The following MYBPC3 variants were observed in gnomAD, a reference collection of about 807,000 sequenced individuals.
The protein encoded by MYBPC3 is myosin binding protein C3, also known as myosin-binding protein C, cardiac-type.
Under a neutral mutation model 159.3 loss-of-function variants are expected in MYBPC3, and 108 were observed. The observed-to-expected ratio is 0.68, with a 90% CI of 0.58 to 0.80. The LOEUF (loss-of-function observed/expected upper bound fraction) is 0.80, where lower values mean the gene tolerates loss of function less well. Ranked by LOEUF, MYBPC3 falls within the 30% of genes least tolerant of loss-of-function variation. The pLI, the probability that MYBPC3 is intolerant of heterozygous loss-of-function variation, is 0.00. For missense variants in MYBPC3, 1,631 were observed against 1,762.1 expected (o/e 0.93, Z 1.33); for synonymous variants, 730 against 702.0 (o/e 1.04, Z -0.63).
At chr11:47,341,857 A>G in intron 18 of MYBPC3, 134 bp downstream of exon 18, 4 of 1,205,874 alleles carry the variant, frequency 3.3e-6, no homozygotes, top group South Asian at 3.1e-5. Context: ...TCTCTGTCTC[A>G]GTCTCTGTCC....
rs759194130 is a variant in MYBPC3 at position 47,343,570 on chromosome 11, CG to C, written c.1144del (p.Arg382GlyfsTer2). The C allele has an allele frequency of 6.2e-7, 1 of 1,612,910 alleles. No individual in the cohort carries two copies. Among genetic ancestry groups the C allele is most frequent in the Non-Finnish European group, 8.5e-7 (1 of 1,179,574 alleles). ...AYQVSKGHKI[R>X]LTVELADHDA... ...ATGGTCAGCCAGTTCCACGGTCAGC[CG>C]GATCTTGTGGCCTTTGCTCACCTGG... is the stretch of plus-strand genomic sequence containing the variant. On this transcript the variant is annotated frameshift_variant, in exon 13 of 35. Coordinates refer to ENST00000545968, the MANE Select transcript of MYBPC3 (RefSeq NM_000256.3). LOFTEE classifies it high-confidence loss of function.
chr11:47,347,480 C>A lies in MYBPC3; in HGVS notation c.852-1G>T, dbSNP rs368121566. On this transcript the variant is annotated splice_acceptor_variant, in intron 8 of 34. Transcript: ENST00000545968. LOFTEE classifies it high-confidence loss of function. ...AATCCCAGTGTCCTCATGGCTATCA[C>A]TATGGAGAGGGACCCCCAGTGAGGC... 1 of 1,596,314 alleles carries A rather than the reference C, an allele frequency of 6.3e-7. No homozygotes were observed. Among genetic ancestry groups the A allele is most frequent in the Non-Finnish European group, 8.5e-7 (1 of 1,171,756 alleles).
chr11:47,338,613 C>G lies in MYBPC3; in HGVS notation c.2215G>C (p.Glu739Gln). The change falls in exon 23 of 35, where the codon GAG becomes CAG. Residue 739 changes from glutamate (E) to glutamine (Q), a missense_variant. Physicochemically the swap from Glu to Gln is conservative, Grantham distance 29. Transcript: ENST00000545968. This position sits in a 1 kb window ranked among gnomAD's most constrained non-coding sequence, Gnocchi z 4.7. ...CCCTCATCTTCCTTCTCTGCCCCCT[C>G]GACCGTGAAGATGCTGCGGTCCTTG... is the stretch of plus-strand genomic sequence containing the variant. ...TTKDRSIFTV[E>Q]GAEKEDEGVY... 1 of 1,613,968 alleles carries G rather than the reference C, an allele frequency of 6.2e-7. No homozygotes were observed. Among genetic ancestry groups the G allele is most frequent in the Non-Finnish European group, 8.5e-7 (1 of 1,179,888 alleles).
In MYBPC3 at chr11:47,346,028, T is replaced by C. The variant is rs144516317; in HGVS notation, c.1090+179A>G. Among the ~76,000 whole-genome samples the C allele has an allele frequency of 1.2e-4, 18 of 152,264 alleles. No individual in the cohort carries two copies. The highest frequency in any genetic ancestry group is 3.8e-4 in the African/African-American group (16 of 41,562). On this transcript the variant is annotated intron_variant, in intron 12 of 34. Transcript: ENST00000545968. This position sits in a 1 kb window ranked among gnomAD's most constrained non-coding sequence, Gnocchi z 5.3. ...GGAGGGGTTAACCTGGGCTCTTCTT[T>C]CCTGTGAGTCTCTGTGCTAAGCCGG...
rs765825263 is a variant in MYBPC3 at position 47,332,087 on chromosome 11, G to A, written c.3799C>T (p.Arg1267Cys). 1.3e-5 allele frequency: 21 copies of A among 1,610,498 alleles called. No individual in the cohort carries two copies. The highest frequency in any genetic ancestry group is 1.0e-4 in the Admixed American group (6 of 59,864). ...GGCTCCTCACCTCGCACCTCCAGGC[G>A]GCACTCACACCGTGCCTCGCCCTGT... Reference protein sequence around the residue: ...NLQGEARCECRLEVRVPQ With the variant: ...NLQGEARCECCLEVRVPQ Residue 1267 changes from arginine to cysteine, a missense_variant, in exon 33 of 35, where the codon CGC (arginine) becomes TGC (cysteine). Arg to Cys is a radical substitution (Grantham distance 180, BLOSUM62 -3). Transcript: ENST00000545968. This position sits in a 1 kb window ranked among gnomAD's most constrained non-coding sequence, Gnocchi z 4.2.
rs2142850127 is a variant in MYBPC3, at chr11:47,332,776, T to C, written c.3490+38A>G. On this transcript the variant is annotated intron_variant, in intron 31 of 34. Transcript: ENST00000545968. This position sits in a 1 kb window ranked among gnomAD's most constrained non-coding sequence, Gnocchi z 4.2. ...CCTCTCCCTGTTCCCACAGCCTCCCTGCCCCAGCCCCTGGTTGGAAGAATG... is the reference window on the plus strand; with the variant it reads ...CCTCTCCCTGTTCCCACAGCCTCCCCGCCCCAGCCCCTGGTTGGAAGAATG... 1 of 1,588,152 alleles carries C rather than the reference T, an allele frequency of 6.3e-7. No homozygotes were observed. The highest frequency in any genetic ancestry group is 2.3e-5 in the East Asian group (1 of 43,674).
rs730880556 is a variant in MYBPC3 at position 47,341,176 on chromosome 11, C to A, written c.1859G>T (p.Gly620Val). The A allele has an allele frequency of 6.2e-7, 1 of 1,602,318 alleles. No homozygotes were observed. The highest frequency in any genetic ancestry group is 1.1e-5 in the South Asian group (1 of 88,702). The change falls in exon 19 of 35, where the codon GGC (glycine) becomes GTC (valine). Residue 620 changes from glycine to valine, a missense_variant. Transcript: ENST00000545968. Reference sequence around the variant, plus strand: ...CTTGGCTGACAGGTTGCAGGCGAAGCCCTCGGGCACAAAGCTGTAGTCAGC... The same window carrying A: ...CTTGGCTGACAGGTTGCAGGCGAAGACCTCGGGCACAAAGCTGTAGTCAGC... ...DEADYSFVPEGFACNLSAKLH... is the reference protein window; with the variant it reads ...DEADYSFVPEVFACNLSAKLH...
intron 26 of MYBPC3, 62 bp from the exon 27 acceptor site, chr11:47,335,271 C>A: frequency 7.8e-7 from 1 of 1,280,372 alleles, no homozygotes; most frequent in Non-Finnish European, 1.1e-6. Flanking sequence ...CCCACTCCCA[C>A]TGCCCACTCC....
rs763808974 is a variant in MYBPC3, at chr11:47,343,079, G to A, written c.1293C>T (p.Asp431=). Residue 431 remains aspartate (D), a synonymous_variant, in exon 15 of 35, where the codon GAC becomes GAT. Transcript: ENST00000545968. ...CACCCACCACGCACTGGTAGGCTGC[G>A]TCGTCCGCCAATGAGCACTGGCTGA... The part of the protein sequence containing the change: ...LTISQCSLAD[D]AAYQCVVGGE... The A allele has an allele frequency of 1.1e-5, 17 of 1,612,088 alleles. No individual in the cohort carries two copies. Among genetic ancestry groups the A allele is most frequent in the South Asian group, 5.5e-5 (5 of 90,658 alleles).
intron 20 of MYBPC3, among the ~76,000 whole-genome samples, chr11:47,340,527 C>T (rs2095887436): frequency 1.3e-5 from 2 of 152,234 alleles, no homozygotes; most frequent in South Asian, 2.1e-4. Context: ...ATTAGCTGGG[C>T]ATGGTGGCGG....
intron 1 of MYBPC3, 33 bp downstream of exon 1, chr11:47,352,590 C>T (rs1180146381): frequency 1.9e-6 from 3 of 1,602,686 alleles, no homozygotes; most frequent in Non-Finnish European, 2.6e-6. Flanking sequence ...CCCCTGCTCC[C>T]ACACTTAGAC....
In MYBPC3 at chr11:47,351,521, G is replaced by A; in HGVS notation, c.26-16C>T. 1 of 1,570,052 alleles carries A rather than the reference G, an allele frequency of 6.4e-7. No homozygotes were observed. Among genetic ancestry groups the A allele is most frequent in the Non-Finnish European group, 8.7e-7 (1 of 1,153,070 alleles). On this transcript the variant is annotated splice_polypyrimidine_tract_variant and intron_variant, in intron 1 of 34. Transcript: ENST00000545968. This position sits in a 1 kb window ranked among gnomAD's most constrained non-coding sequence, Gnocchi z 4.2. ...AAAGCTGAGACTGAAGGGCCAGGTG[G>A]AGGCTACAGCGGCCCCTGGTTGGAG... is the stretch of plus-strand genomic sequence containing the variant.
Position 47,333,627 on chromosome 11 carries a change from T to C in MYBPC3, c.3120A>G (p.Ser1040=), listed in dbSNP as rs1595841796. 2 of 1,606,624 alleles carry C rather than the reference T, an allele frequency of 1.2e-6. No individual in the cohort carries two copies. Among genetic ancestry groups the C allele is most frequent in the Non-Finnish European group, 1.7e-6 (2 of 1,179,824 alleles). Reference sequence around the variant, plus strand: ...TGCGCACCGTCACCTGGTAAGTGCCTGAATGCACGCGGCGAGCGGCCCGGA... The same window carrying C: ...TGCGCACCGTCACCTGGTAAGTGCCCGAATGCACGCGGCGAGCGGCCCGGA... ...LFIRAARRVH[S]GTYQVTVRIE... The change falls in exon 29 of 35, where the codon TCA becomes TCG. Residue 1040 remains serine (S), a synonymous_variant. Coordinates refer to ENST00000545968, the MANE Select transcript of MYBPC3 (RefSeq NM_000256.3).
chr11:47,351,181 GC>G lies in MYBPC3; in HGVS notation c.292+57del. On this transcript the variant is annotated intron_variant, in intron 2 of 34. Coordinates refer to ENST00000545968, the MANE Select transcript of MYBPC3 (RefSeq NM_000256.3). The surrounding 1 kb of genome is among the most constrained non-coding windows in gnomAD (Gnocchi z 4.2). The stretch of plus-strand genomic sequence containing the variant: ...CTGTTCCCTGGATGGATGGAGAGTC[GC>G]TGGGCTGCCCCTCCCCCAGCAGCCC... The G allele has an allele frequency of 6.9e-7, 1 of 1,447,684 alleles. No individual in the cohort carries two copies. Among genetic ancestry groups the G allele is most frequent in the South Asian group, 1.4e-5 (1 of 69,582 alleles). 89.7% of individuals were successfully genotyped at this position (1,447,684 alleles called of 1,614,324 possible).
chr11:47,334,339 G>A (rs1486323412), intron 27 of MYBPC3, among the ~76,000 whole-genome samples: 1 of 152,332 alleles, frequency 6.6e-6, no homozygotes, highest in South Asian at 2.1e-4. Context: ...TGAGTTTGCT[G>A]CCTCGTTCCA....
intron 9 of MYBPC3, 131 bp from the exon 10 acceptor site, chr11:47,347,160 G>A (rs372866125): frequency 2.1e-6 from 3 of 1,438,468 alleles, no homozygotes; most frequent in African/African-American, 2.8e-5. Flanking sequence ...TGTTCCTTCT[G>A]GGTCCCCGGA....
At chr11:47,348,927 T>TATATATA (rs1555123220) in intron 5 of MYBPC3, among the ~76,000 whole-genome samples, 13 of 126,240 alleles carry the variant, frequency 1.0e-4, no homozygotes, top group East Asian at 4.8e-4. Context: ...TATATATATA[T>TATATATA]TTAAAGGAGG....
chr11:47,350,194 G>A (rs576004918), intron 3 of MYBPC3, 82 bp from the exon 4 acceptor site: 1,226 of 1,422,344 alleles, frequency 8.6e-4, no homozygotes, highest in Non-Finnish European at 1.1e-3. Context: ...CACAATCTCG[G>A]CTCACTGCAA....
chr11:47,331,882 C>T lies in MYBPC3; in HGVS notation c.3815-1G>A, dbSNP rs397516044. 3 of 1,610,492 alleles carry T rather than the reference C, an allele frequency of 1.9e-6. No homozygotes were observed. In the African/African-American group the frequency reaches 4.0e-5, roughly 21 times the overall value. The stretch of plus-strand genomic sequence containing the variant: ...AGGAGCCAGCCTGGTCACTGAGGCA[C>T]TGCAGAAGAGGAGGCCATGTCACTG... On this transcript the variant is annotated splice_acceptor_variant, in intron 33 of 34. Transcript: ENST00000545968. LOFTEE classifies it high-confidence loss of function.
Sources: gnomAD v4.1 joint callset for allele counts (sites outside exome capture counted in the v4.1 genomes callset) on GRCh38, gnomAD v4.1.1 for gene constraint, Gnocchi (gnomAD v3.1) non-coding constraint, MANE v1.5 for transcripts, NCBI Gene and HGNC (gene_info 2026-07-23, HGNC 2026-07-21) for gene names.